TRERF1: variants seen among roughly 807,000 people sequenced by gnomAD.
TRERF1 encodes transcriptional regulating factor 1.
A neutral mutation model predicts 122.9 loss-of-function variants in TRERF1; 27 were observed. The observed-to-expected ratio is 0.22, with a 90% CI of 0.16 to 0.30. The LOEUF (loss-of-function observed/expected upper bound fraction) is 0.30. TRERF1 is among the 10% of genes least tolerant of loss of function. The pLI is 1.00. For missense variants in TRERF1, 1,248 were observed against 1,560.3 expected, an observed-to-expected ratio of 0.80 and a Z score of 3.37; for synonymous variants, 636 against 641.7, an observed-to-expected ratio of 0.99 and a Z score of 0.13.
intron 3 of TRERF1, among the ~76,000 whole-genome samples, chr6:42,341,831 G>A (rs984428096): frequency 2.0e-5 from 3 of 152,210 alleles, no homozygotes; most frequent in Non-Finnish European, 2.9e-5. Context: ...TGTTGGATGT[G>A]ATGGGGTAGG....
chr6:42,308,271 A>G (rs2150325771), intron 3 of TRERF1, among the ~76,000 whole-genome samples: 1 of 152,360 alleles, frequency 6.6e-6, no homozygotes, highest in African/African-American at 2.4e-5. Context: ...CATACAATGG[A>G]ATATTATTCA....
At position 42,275,652 on chromosome 6, in the gene TRERF1, TC is replaced by T. The variant is rs1781021336; in HGVS notation, c.-258-5805del. On this transcript the variant is annotated intron_variant, in intron 4 of 17. Transcript: ENST00000372922. The surrounding 1 kb of genome is among the most constrained non-coding windows in gnomAD (Gnocchi z 4.1). ...GCAAAGGAGACCTAGAGTGGCTTGT[TC>T]CCCTCTGCAGGTCCCATGCCTCTGA... 6.6e-6 allele frequency among the ~76,000 whole-genome samples: 1 copy of T among 152,198 alleles called. No individual in the cohort carries two copies. The highest frequency in any genetic ancestry group is 1.5e-5 in the Non-Finnish European group (1 of 68,040).
intron 9 of TRERF1, among the ~76,000 whole-genome samples, chr6:42,258,548 A>G (rs1464751689): frequency 6.6e-6 from 1 of 152,214 alleles, no homozygotes; most frequent in African/African-American, 2.4e-5. Context: ...TGCATGTAAT[A>G]CCTAATCTTA....
chr6:42,325,616 G>A (rs1467043473), intron 3 of TRERF1, among the ~76,000 whole-genome samples: 2 of 152,204 alleles, frequency 1.3e-5, no homozygotes, highest in African/African-American at 4.8e-5. Flanking sequence ...ACTCACACCT[G>A]TAATCCCAGC....
chr6:42,425,520 C>A (rs902037601), intron 2 of TRERF1, among the ~76,000 whole-genome samples: 1 of 145,800 alleles, frequency 6.9e-6, no homozygotes, highest in Non-Finnish European at 1.5e-5. Flanking sequence ...CCGACACGGC[C>A]CCCTGGGCAT....
At chr6:42,386,065 G>A (rs978441234) in intron 2 of TRERF1, among the ~76,000 whole-genome samples, 2 of 152,154 alleles carry the variant, frequency 1.3e-5, no homozygotes, top group Admixed American at 6.5e-5. Context: ...TAGAAAAAAA[G>A]CAGATTCTCA....
At chr6:42,264,413 G>A (rs187396786) in intron 7 of TRERF1, among the ~76,000 whole-genome samples, 18 of 152,364 alleles carry the variant, frequency 1.2e-4, no homozygotes, top group African/African-American at 2.6e-4. Context: ...AAATAATATT[G>A]CATTTACATG....
intron 13 of TRERF1, among the ~76,000 whole-genome samples, chr6:42,251,698 C>T (rs1284435561): frequency 1.3e-5 from 2 of 152,146 alleles, no homozygotes; most frequent in African/African-American, 4.8e-5. Context: ...AATTCTGTCT[C>T]CTCATCTAAC....
At chr6:42,408,227 ATGTGTG>A (rs70987593) in intron 2 of TRERF1, among the ~76,000 whole-genome samples, 4 of 116,696 alleles carry the variant, frequency 3.4e-5, no homozygotes, top group Admixed American at 8.7e-5. Flanking sequence ...ATATATATAT[ATGTGTG>A]TGTGTATGTA....
intron 2 of TRERF1, among the ~76,000 whole-genome samples, chr6:42,429,875 G>C (rs1230230230): frequency 6.6e-6 from 1 of 152,134 alleles, no homozygotes. Context: ...TGGGTCATTC[G>C]GGCGAAGGTG....
At chr6:42,371,735 A>G (rs75967841) in intron 2 of TRERF1, among the ~76,000 whole-genome samples, 3,670 of 152,222 alleles carry the variant, frequency 0.024, 144 homozygotes, top group African/African-American at 0.082. Flanking sequence ...CCCCTGTCCT[A>G]TAAGAAAGAA....
chr6:42,372,754 TC>T (rs1439715125), intron 2 of TRERF1, among the ~76,000 whole-genome samples: 2 of 152,074 alleles, frequency 1.3e-5, no homozygotes, highest in African/African-American at 2.4e-5. Flanking sequence ...GAGTTGGGTC[TC>T]AAAAAATGGG....
At chr6:42,412,944 G>T (rs1296673674) in intron 2 of TRERF1, among the ~76,000 whole-genome samples, 3 of 152,050 alleles carry the variant, frequency 2.0e-5, no homozygotes, top group Non-Finnish European at 2.9e-5. Flanking sequence ...TGGGTGACAG[G>T]GTGGGGCCCT....
chr6:42,401,852 C>T (rs558478565), intron 2 of TRERF1, among the ~76,000 whole-genome samples: 2 of 152,304 alleles, frequency 1.3e-5, no homozygotes, highest in East Asian at 1.9e-4. Context: ...TGGAACTTCA[C>T]GGATTCATTT....
At chr6:42,339,149 C>G (rs147438231) in intron 3 of TRERF1, among the ~76,000 whole-genome samples, 1 of 152,250 alleles carries the variant, frequency 6.6e-6, no homozygotes, top group South Asian at 2.1e-4. Context: ...CACTGCTGAA[C>G]TGCAGGTCAA....
At chr6:42,254,801 A>G (rs1163156330) in intron 13 of TRERF1, 50 bp downstream of exon 13, 3 of 1,552,754 alleles carry the variant, frequency 1.9e-6, no homozygotes, top group Admixed American at 3.3e-5. Context: ...CGAACATGCA[A>G]GCAGCCCGTC....
At chr6:42,363,565 C>T (rs1341602803) in intron 2 of TRERF1, among the ~76,000 whole-genome samples, 1 of 152,098 alleles carries the variant, frequency 6.6e-6, no homozygotes, top group Non-Finnish European at 1.5e-5. Context: ...CCCCAAGATT[C>T]CTATGTTGAC....
rs367902405 is a variant in TRERF1, at chr6:42,315,706, A to ACC, written c.-370-14959_-370-14958dup. Among the ~76,000 whole-genome samples the ACC allele has an allele frequency of 8.1e-3, 964 of 118,350 alleles. 17 individuals carry two copies. In the East Asian group the frequency reaches 0.094, roughly 12 times the overall value. The allele number at this position is 118,350 out of a possible 152,430, so 77.6% of individuals were successfully genotyped here. A position where few individuals can be genotyped will look rare whatever the true frequency, so the allele number is the denominator to read the frequency against. ...GGTCAGGGTTGGGGAGAGGAACACC[A>ACC]CCCCCCCCCCCACCCACTGCCACCC... On this transcript the variant is annotated intron_variant, in intron 3 of 17. Coordinates refer to ENST00000372922, the Ensembl canonical transcript of TRERF1.
intron 2 of TRERF1, among the ~76,000 whole-genome samples, chr6:42,449,116 T>G (rs1788027349): frequency 6.6e-6 from 1 of 152,232 alleles, no homozygotes; most frequent in Admixed American, 6.5e-5. Flanking sequence ...AGAACAACTG[T>G]TTTCACAGCA....
Sources: gnomAD v4.1 joint callset for allele counts (sites outside exome capture counted in the v4.1 genomes callset) on GRCh38, gnomAD v4.1.1 for gene constraint, Gnocchi (gnomAD v3.1) non-coding constraint, MANE v1.5 for transcripts, NCBI Gene and HGNC (gene_info 2026-07-23, HGNC 2026-07-21) for gene names.